The following TEX14 variants were observed in gnomAD, a reference collection of about 807,000 sequenced individuals.
TEX14 encodes inactive serine/threonine-protein kinase TEX14.
TEX14 carries 168 observed loss-of-function variants against 178.6 expected under a neutral mutation model. That is an observed-to-expected ratio of 0.94 (90% CI 0.83 to 1.07). The LOEUF is 1.07. Ranked by LOEUF, TEX14 falls within the 50% of genes least tolerant of loss-of-function variation. The pLI is 0.00. For missense variants in TEX14, 1,730 were observed against 1,753.6 expected, an observed-to-expected ratio of 0.99 and a Z score of 0.24; for synonymous variants, 626 against 634.1, an observed-to-expected ratio of 0.99 and a Z score of 0.19.
intron 1 of TEX14, among the ~76,000 whole-genome samples, chr17:58,685,551 C>G (rs984325490): frequency 1.3e-5 from 2 of 151,500 alleles, no homozygotes; most frequent in Non-Finnish European, 2.9e-5. Context: ...AGGTCTAGCA[C>G]ACACAAGGAA....
intron 14 of TEX14, among the ~76,000 whole-genome samples, chr17:58,595,072 C>G (rs7213415): frequency 0.22 from 34,181 of 152,030 alleles, 4,189 homozygotes; most frequent in South Asian, 0.33. Context: ...TGATGCTTCA[C>G]CATAACAGGT....
chr17:58,622,093 G>A (rs1175472900), intron 4 of TEX14, among the ~76,000 whole-genome samples: 1 of 152,158 alleles, frequency 6.6e-6, no homozygotes, highest in Non-Finnish European at 1.5e-5. Flanking sequence ...GCACACAGAG[G>A]GGCCTGGCAC....
At chr17:58,644,141 C>T (rs1162497859) in intron 2 of TEX14, among the ~76,000 whole-genome samples, 2 of 151,994 alleles carry the variant, frequency 1.3e-5, no homozygotes, top group African/African-American at 4.8e-5. Flanking sequence ...AGTTTAATCA[C>T]CAATGACCAA....
At chr17:58,632,122 A>C (rs889950873) in intron 2 of TEX14, among the ~76,000 whole-genome samples, 2 of 152,254 alleles carry the variant, frequency 1.3e-5, no homozygotes, top group Non-Finnish European at 2.9e-5. Flanking sequence ...TGACGACTAT[A>C]AAGCGCGCCG....
At chr17:58,646,690 T>G (rs917139319) in intron 2 of TEX14, among the ~76,000 whole-genome samples, 1 of 152,132 alleles carries the variant, frequency 6.6e-6, no homozygotes, top group Non-Finnish European at 1.5e-5. Flanking sequence ...CTGAGAAGTT[T>G]CTCTTGATTA....
At chr17:58,645,828 A>C (rs191586831) in intron 2 of TEX14, among the ~76,000 whole-genome samples, 1 of 152,216 alleles carries the variant, frequency 6.6e-6, no homozygotes, top group Non-Finnish European at 1.5e-5. Context: ...CTCCCATACC[A>C]GTAAAATCCA....
intron 3 of TEX14, 138 bp downstream of exon 3, chr17:58,630,302 C>T (rs549588630): frequency 2.9e-5 from 17 of 577,692 alleles, no homozygotes; most frequent in African/African-American, 2.1e-4. Context: ...GTGATCTGCC[C>T]GCCTTGGCCT....
intron 2 of TEX14, among the ~76,000 whole-genome samples, chr17:58,638,023 G>A (rs908692350): frequency 2.6e-5 from 4 of 151,702 alleles, no homozygotes; most frequent in Non-Finnish European, 4.4e-5. Context: ...CACCACACCC[G>A]GCTAATTTTT....
At chr17:58,560,184 A>G (rs9902820) in intron 29 of TEX14, among the ~76,000 whole-genome samples, 1 of 152,026 alleles carries the variant, frequency 6.6e-6, no homozygotes, top group Admixed American at 6.5e-5. Flanking sequence ...GGACATTGTC[A>G]GTGCTCGGTG....
intron 18 of TEX14, 124 bp downstream of exon 18, chr17:58,585,677 A>G: frequency 3.8e-6 from 3 of 797,820 alleles, no homozygotes; most frequent in Non-Finnish European, 5.7e-6. Flanking sequence ...GCTGGTCCCA[A>G]ATTCCTGGGC....
chr17:58,660,126 C>A (rs1389055746), intron 1 of TEX14, among the ~76,000 whole-genome samples: 2 of 151,258 alleles, frequency 1.3e-5, no homozygotes, highest in African/African-American at 4.9e-5. Flanking sequence ...CACTTTAGGC[C>A]AGGCGCGGTG....
intron 2 of TEX14, among the ~76,000 whole-genome samples, chr17:58,651,657 C>A (rs1042115748): frequency 1.3e-5 from 2 of 152,126 alleles, no homozygotes; most frequent in Non-Finnish European, 2.9e-5. Flanking sequence ...GCTTGTGGTT[C>A]CCCAACACAA....
chr17:58,665,947 G>C (rs1387657922), intron 1 of TEX14, among the ~76,000 whole-genome samples: 3 of 151,736 alleles, frequency 2.0e-5, no homozygotes, highest in Admixed American at 2.0e-4. Context: ...TACTCAGGAG[G>C]CTGAGGCAGG....
chr17:58,621,605 G>C (rs1208948346), intron 5 of TEX14, 45 bp downstream of exon 5: 30 of 1,559,540 alleles, frequency 1.9e-5, no homozygotes, highest in Non-Finnish European at 2.3e-5. Flanking sequence ...CACGAGGAAG[G>C]CTGGGTGATG....
chr17:58,581,697 ACT>A (rs2044825294), intron 19 of TEX14: 2 of 1,613,538 alleles, frequency 1.2e-6, no homozygotes, highest in South Asian at 2.2e-5. Context: ...TCCTCAGAAG[ACT>A]CTGGTGAACA....
chr17:58,599,867 A>T (rs547451640), intron 13 of TEX14, among the ~76,000 whole-genome samples: 1 of 152,234 alleles, frequency 6.6e-6, no homozygotes, highest in African/African-American at 2.4e-5. Context: ...GAAAGCTCCT[A>T]TTTTGACATG....
intron 20 of TEX14, among the ~76,000 whole-genome samples, chr17:58,578,784 T>C (rs2044741440): frequency 6.6e-6 from 1 of 152,210 alleles, no homozygotes; most frequent in Non-Finnish European, 1.5e-5. Flanking sequence ...AAGTAAAAGT[T>C]GATCTAAAAG....
Position 58,613,416 on chromosome 17 carries a change from T to C in TEX14, c.1005+5A>G. On this transcript the variant is annotated splice_donor_5th_base_variant and intron_variant, in intron 9 of 31. Transcript: ENST00000349033. ...AATGGAAAATCCACGGAAACAGCAG[T>C]TTACTCGTTCATGAAGGACACTGAA... The C allele has an allele frequency of 6.2e-7, 1 of 1,613,900 alleles. No homozygotes were observed. The highest frequency in any genetic ancestry group is 1.1e-5 in the South Asian group (1 of 91,046).
intron 18 of TEX14, among the ~76,000 whole-genome samples, chr17:58,585,598 C>T (rs966168514): frequency 8.0e-5 from 12 of 150,828 alleles, no homozygotes; most frequent in African/African-American, 2.2e-4. Flanking sequence ...TGTGCCACCA[C>T]GCCCAGCTAA....
Sources: gnomAD v4.1 joint callset for allele counts (sites outside exome capture counted in the v4.1 genomes callset) on GRCh38, gnomAD v4.1.1 for gene constraint, MANE v1.5 for transcripts, NCBI Gene and HGNC (gene_info 2026-07-23, HGNC 2026-07-21) for gene names.